TMEM229B: variants seen among roughly 807,000 people sequenced by gnomAD.
The protein encoded by TMEM229B is chromosome 14 open reading frame 83.
Under a neutral mutation model 13.7 loss-of-function variants are expected in TMEM229B, and 6 were observed. The ratio of observed to expected loss-of-function variants is 0.44; its 90% CI spans 0.24 to 0.86. TMEM229B has a LOEUF of 0.86. Among genes scored for constraint, TMEM229B ranks in the 40% least tolerant of loss-of-function variants. The probability of loss-of-function intolerance (pLI) is 0.23; values close to 1 mark genes in which losing one functional copy is unlikely to be tolerated. For synonymous variants in TMEM229B, 107 were observed against 102.1 expected (o/e 1.05, Z -0.29); for missense variants, 170 against 236.0 (o/e 0.72, Z 1.83).
upstream of TMEM229B, among the ~76,000 whole-genome samples, chr14:67,517,125 G>A (rs528016569): frequency 2.6e-5 from 4 of 152,306 alleles, no homozygotes; most frequent in Non-Finnish European, 2.9e-5. Flanking sequence ...TGTCAGAGAC[G>A]CAGGAGACAG....
intron 1 of TMEM229B, among the ~76,000 whole-genome samples, chr14:67,531,039 G>C (rs1205799795): frequency 6.6e-6 from 1 of 152,084 alleles, no homozygotes; most frequent in Non-Finnish European, 1.5e-5. Context: ...CTTCAACTCA[G>C]GCACATGATG....
Position 67,531,910 on chromosome 14 carries a change from CAAA to C in TMEM229B, c.-192+1723_-192+1725del, listed in dbSNP as rs5809352. Reference sequence around the variant, plus strand: ...GAACAGAACAAGAAGAACCTATGTCCAAAAAAAAAAAAAAAAAAAAAGTGAATG... The same window carrying C: ...GAACAGAACAAGAAGAACCTATGTCCAAAAAAAAAAAAAAAAAAGTGAATG... On this transcript the variant is annotated intron_variant, in intron 1 of 2. Coordinates refer to the TMEM229B transcript ENST00000554278. Among the ~76,000 whole-genome samples, 136 of 79,568 alleles carry C rather than the reference CAAA, an allele frequency of 1.7e-3. 1 individual carries two copies. Among genetic ancestry groups the C allele is most frequent in the Middle Eastern group, 7.8e-3 (1 of 128 alleles). 52.2% of individuals were successfully genotyped at this position (79,568 alleles called of 152,430 possible).
At chr14:67,522,661 T>C (rs1053577345) in intron 1 of TMEM229B, among the ~76,000 whole-genome samples, 1 of 152,240 alleles carries the variant, frequency 6.6e-6, no homozygotes, top group Non-Finnish European at 1.5e-5. Context: ...AAGTCACAGC[T>C]AGGTCCTGGG....
intron 1 of TMEM229B, among the ~76,000 whole-genome samples, chr14:67,529,147 T>C (rs1263133168): frequency 2.0e-5 from 3 of 152,118 alleles, no homozygotes; most frequent in Non-Finnish European, 4.4e-5. Context: ...TTTATCTCCA[T>C]CTTTATAATA....
upstream of TMEM229B, among the ~76,000 whole-genome samples, chr14:67,515,840 C>T (rs1479163042): frequency 1.3e-5 from 2 of 150,072 alleles, no homozygotes; most frequent in East Asian, 3.9e-4. Flanking sequence ...TGTGGACCTG[C>T]GGTCAGTTCA....
chr14:67,515,653 A>C (rs1034646524), upstream of TMEM229B, among the ~76,000 whole-genome samples: 1 of 152,138 alleles, frequency 6.6e-6, no homozygotes, highest in Non-Finnish European at 1.5e-5. Context: ...GCTGCGGTGC[A>C]GGGCTCTTCG....
At chr14:67,499,706 A>T (rs1160039657) in intron 1 of TMEM229B, among the ~76,000 whole-genome samples, 1 of 152,078 alleles carries the variant, frequency 6.6e-6, no homozygotes, top group Non-Finnish European at 1.5e-5. Context: ...ATCCCAGAAG[A>T]CCTCCAATAG....
intron 1 of TMEM229B, among the ~76,000 whole-genome samples, chr14:67,497,616 C>A (rs1354432662): frequency 1.3e-5 from 2 of 152,156 alleles, no homozygotes; most frequent in Non-Finnish European, 2.9e-5. Context: ...ATCCTAACTC[C>A]CTTTCTAAAA....
chr14:67,513,768 A>G (rs2033105658), intron 1 of TMEM229B, among the ~76,000 whole-genome samples: 1 of 152,274 alleles, frequency 6.6e-6, no homozygotes, highest in African/African-American at 2.4e-5. Flanking sequence ...AAGCAGATGT[A>G]TCTGTCTTCC....
intron 1 of TMEM229B, among the ~76,000 whole-genome samples, chr14:67,503,945 GC>G (rs1174210524): frequency 6.6e-6 from 1 of 151,900 alleles, no homozygotes; most frequent in African/African-American, 2.4e-5. Context: ...CTCGTGATCT[GC>G]CTGCCTCAGC....
intron 2 of TMEM229B, among the ~76,000 whole-genome samples, chr14:67,475,449 T>A (rs1301047374): frequency 1.3e-5 from 2 of 152,212 alleles, no homozygotes; most frequent in African/African-American, 4.8e-5. Flanking sequence ...ATGGTTAACT[T>A]TCTGAGGAAC....
At position 67,501,192 on chromosome 14, in the gene TMEM229B, T is replaced by C. The variant is rs559938852; in HGVS notation, c.-192+13894A>G. Among the ~76,000 whole-genome samples, 10 of 152,150 alleles carry C rather than the reference T, an allele frequency of 6.6e-5. No homozygotes were observed. In the South Asian group the frequency reaches 1.9e-3, roughly 28 times the overall value. ...ATGCAAACCTCCAGCAGGTACTCCC[T>C]GCCCTGAGGACACATCAGTTCATCC... On this transcript the variant is annotated intron_variant, in intron 1 of 2. Transcript: ENST00000357461.
chr14:67,517,924 T>C (rs1418485790), upstream of TMEM229B, among the ~76,000 whole-genome samples: 3 of 152,194 alleles, frequency 2.0e-5, no homozygotes, highest in African/African-American at 7.2e-5. Flanking sequence ...TGACATAAGA[T>C]CAGGGGTGCA....
intron 1 of TMEM229B, among the ~76,000 whole-genome samples, chr14:67,511,254 G>A (rs560590274): frequency 6.6e-6 from 1 of 152,236 alleles, no homozygotes; most frequent in Admixed American, 6.5e-5. Flanking sequence ...AGGGGCTTTT[G>A]GAAAGCAAAG....
At chr14:67,479,446 A>G (rs1362254351) in intron 2 of TMEM229B, among the ~76,000 whole-genome samples, 2 of 148,544 alleles carry the variant, frequency 1.3e-5, no homozygotes, top group Non-Finnish European at 3.0e-5. Context: ...AGCTGGGTGC[A>G]GTAGCTCATG....
At chr14:67,502,945 G>T (rs944941493) in intron 1 of TMEM229B, among the ~76,000 whole-genome samples, 1 of 152,090 alleles carries the variant, frequency 6.6e-6, no homozygotes, top group Non-Finnish European at 1.5e-5. Context: ...AGACAATATG[G>T]TAAGCAAAAC....
chr14:67,525,958 G>C (rs2033360102), intron 1 of TMEM229B, among the ~76,000 whole-genome samples: 1 of 152,144 alleles, frequency 6.6e-6, no homozygotes, highest in Admixed American at 6.6e-5. Context: ...GGAAGAAACA[G>C]CAGCCCCGTG....
intron 2 of TMEM229B, among the ~76,000 whole-genome samples, chr14:67,475,803 A>G (rs1316226): frequency 0.59 from 88,861 of 151,556 alleles, 28,210 homozygotes; most frequent in African/African-American, 0.85. Flanking sequence ...CTTTCTCCTC[A>G]CCCTCCACCA....
At chr14:67,494,545 G>C (rs1386428523) in intron 1 of TMEM229B, among the ~76,000 whole-genome samples, 2 of 152,178 alleles carry the variant, frequency 1.3e-5, no homozygotes, top group Non-Finnish European at 2.9e-5. Context: ...ATTGAATCTG[G>C]AGCAGCCAGG....
Sources: allele counts gnomAD v4.1 joint callset (sites outside exome capture counted in the v4.1 genomes callset), GRCh38; gene constraint gnomAD v4.1.1; transcripts MANE v1.5; gene names NCBI Gene and HGNC (gene_info 2026-07-23, HGNC 2026-07-21).